SRPK1: variants seen among roughly 807,000 people sequenced by gnomAD.
SRPK1 encodes the protein SFRS protein kinase 1.
In SRPK1, 52 loss-of-function variants were observed where a neutral mutation model predicts 89.5. The ratio of observed to expected loss-of-function variants is 0.58; its 90% CI spans 0.46 to 0.73. SRPK1 has a LOEUF of 0.73. Ranked by LOEUF, SRPK1 falls within the 30% of genes least tolerant of loss-of-function variation. SRPK1 has a pLI of 0.00. For missense variants in SRPK1, 603 were observed against 780.6 expected (o/e 0.77, Z 2.71); for synonymous variants, 255 against 270.2 (o/e 0.94, Z 0.55).
chr6:35,844,945 G>A (rs768919683), intron 13 of SRPK1, among the ~76,000 whole-genome samples: 4 of 152,128 alleles, frequency 2.6e-5, no homozygotes, highest in Admixed American at 6.5e-5. Flanking sequence ...TATTCAGGAG[G>A]CTAGAAAATG....
intron 2 of SRPK1, among the ~76,000 whole-genome samples, chr6:35,898,133 TG>T (rs1353185967): frequency 1.4e-5 from 2 of 144,652 alleles, no homozygotes; most frequent in African/African-American, 5.1e-5. Context: ...AAGTACCCAT[TG>T]ATCAACAAAC....
chr6:35,898,093 T>A (rs1770660334), intron 2 of SRPK1, among the ~76,000 whole-genome samples: 1 of 152,184 alleles, frequency 6.6e-6, no homozygotes, highest in African/African-American at 2.4e-5. Flanking sequence ...AACAGCACAA[T>A]TCTCAATTCC....
At chr6:35,916,609 T>C (rs778313248) in intron 2 of SRPK1, among the ~76,000 whole-genome samples, 2 of 152,352 alleles carry the variant, frequency 1.3e-5, no homozygotes, top group South Asian at 2.1e-4. Context: ...GTGTTAGAGC[T>C]GAATTAATTT....
intron 5 of SRPK1, chr6:35,887,758 T>C (rs949387592): frequency 2.0e-5 from 6 of 296,080 alleles, no homozygotes; most frequent in East Asian, 1.1e-4. Flanking sequence ...CTGTAAAACA[T>C]GCTCAGTGAA....
At chr6:35,905,687 T>A (rs1367216691) in intron 2 of SRPK1, among the ~76,000 whole-genome samples, 1 of 152,226 alleles carries the variant, frequency 6.6e-6, no homozygotes, top group Non-Finnish European at 1.5e-5. Context: ...GTAATCATAT[T>A]GTTGGGGTAG....
At chr6:35,865,934 C>T (rs887513080) in intron 12 of SRPK1, among the ~76,000 whole-genome samples, 1 of 151,588 alleles carries the variant, frequency 6.6e-6, no homozygotes, top group African/African-American at 2.4e-5. Context: ...AGGCAACCTA[C>T]AAAATGGGAG....
rs889074825 is a variant in SRPK1 at position 35,920,630 on chromosome 6, T to C, written c.14-102A>G. The C allele has an allele frequency of 2.0e-5, 21 of 1,042,606 alleles. No homozygotes were observed. In the African/African-American group the frequency reaches 2.5e-4, roughly 13 times the overall value. The allele number at this position is 1,042,606 out of a possible 1,614,324, so 64.6% of individuals were successfully genotyped here. ...GGGCGCCAGGCCCGGCTGCGGGGCC[T>C]GCCTCGGGGGCGGCTGCGGGCTCCG... On this transcript the variant is annotated intron_variant, in intron 1 of 15. Transcript: ENST00000373825.
chr6:35,899,495 T>C (rs1770697958), intron 2 of SRPK1, among the ~76,000 whole-genome samples: 1 of 152,210 alleles, frequency 6.6e-6, no homozygotes, highest in African/African-American at 2.4e-5. Flanking sequence ...CCTTTTTTTG[T>C]TCAATGGCAT....
chr6:35,897,446 T>A (rs1408594792), intron 2 of SRPK1, among the ~76,000 whole-genome samples: 1 of 152,144 alleles, frequency 6.6e-6, no homozygotes, highest in African/African-American at 2.4e-5. Flanking sequence ...AGTAGTTGCT[T>A]TAGGAAGTAG....
At chr6:35,871,049 A>G in intron 8 of SRPK1, 90 bp from the exon 9 acceptor site, 1 of 1,091,172 alleles carries the variant, frequency 9.2e-7, no homozygotes, top group Non-Finnish European at 1.3e-6. Context: ...CAGAATGAAA[A>G]GTCTTTCTTA....
intron 8 of SRPK1, among the ~76,000 whole-genome samples, chr6:35,872,128 A>C (rs1770047812): frequency 6.6e-6 from 1 of 152,200 alleles, no homozygotes; most frequent in Admixed American, 6.5e-5. Context: ...AGGGAAAATA[A>C]AGTAAAATAA....
intron 6 of SRPK1, among the ~76,000 whole-genome samples, chr6:35,880,711 C>G (rs1770255046): frequency 3.9e-5 from 1 of 25,584 alleles, no homozygotes; most frequent in Non-Finnish European, 5.6e-5. Context: ...CAGAGTGAGA[C>G]TCCATCTCAA....
chr6:35,892,689 C>T (rs1306489492), intron 2 of SRPK1, among the ~76,000 whole-genome samples: 3 of 134,874 alleles, frequency 2.2e-5, no homozygotes, highest in Non-Finnish European at 4.8e-5. Flanking sequence ...ACAACAACAA[C>T]GACAACAACA....
At chr6:35,912,930 C>T (rs774555224) in intron 2 of SRPK1, among the ~76,000 whole-genome samples, 7 of 152,178 alleles carry the variant, frequency 4.6e-5, no homozygotes, top group Admixed American at 1.3e-4. Flanking sequence ...ACTACAGGCA[C>T]GTGCCACCAC....
chr6:35,880,721 A>G, intron 6 of SRPK1, among the ~76,000 whole-genome samples: 1 of 62,222 alleles, frequency 1.6e-5, no homozygotes, highest in South Asian at 6.4e-4. Flanking sequence ...CTCCATCTCA[A>G]AAAAAAAAAA....
At chr6:35,842,504 C>G in intron 14 of SRPK1, 31 bp downstream of exon 14, 5 of 1,548,204 alleles carry the variant, frequency 3.2e-6, no homozygotes, top group Non-Finnish European at 4.4e-6. Flanking sequence ...GTAAATACCA[C>G]GCACACACAT....
chr6:35,900,769 A>G lies in SRPK1; in HGVS notation c.75-9756T>C, dbSNP rs552553959. 1.6e-4 allele frequency among the ~76,000 whole-genome samples: 25 copies of G among 152,290 alleles called. No individual in the cohort carries two copies. The South Asian group carries it at 5.0e-3, about 30-fold the overall frequency. ...GGGAGTTTATCTGGAATGATTCAAA[A>G]CGGTGGTTTCAGAAAATGGAAATTT... On this transcript the variant is annotated intron_variant, in intron 2 of 15. Coordinates refer to ENST00000373825, the MANE Select transcript of SRPK1 (RefSeq NM_003137.5).
chr6:35,885,537 CAT>C (rs896206442), intron 6 of SRPK1, among the ~76,000 whole-genome samples: 11 of 152,142 alleles, frequency 7.2e-5, no homozygotes, highest in Non-Finnish European at 1.5e-4. Context: ...AATCTCTTCC[CAT>C]AGTCTACATG....
At chr6:35,853,431 AT>A (rs1769598588) in intron 13 of SRPK1, among the ~76,000 whole-genome samples, 1 of 152,226 alleles carries the variant, frequency 6.6e-6, no homozygotes, top group African/African-American at 2.4e-5. Context: ...ACACTATGCC[AT>A]TTTATGTAAA....
Sources: allele counts gnomAD v4.1 joint callset (sites outside exome capture counted in the v4.1 genomes callset), GRCh38; gene constraint gnomAD v4.1.1; transcripts MANE v1.5; gene names NCBI Gene and HGNC (gene_info 2026-07-23, HGNC 2026-07-21).